Variants in CCDC88C observed in about 807,000 individuals in gnomAD.
CCDC88C encodes the protein coiled-coil and HOOK domain protein 88C.
Under a neutral mutation model 198.8 loss-of-function variants are expected in CCDC88C, and 131 were observed. The ratio of observed to expected loss-of-function variants is 0.66; its 90% CI spans 0.57 to 0.76. CCDC88C has a LOEUF of 0.76. CCDC88C is among the 30% of genes least tolerant of loss of function. CCDC88C has a pLI of 0.00. For missense variants in CCDC88C, 2,553 were observed against 2,631.6 expected (o/e 0.97, Z 0.65); for synonymous variants, 1,166 against 1,114.7 (o/e 1.05, Z -0.92).
intron 24 of CCDC88C, among the ~76,000 whole-genome samples, chr14:91,290,763 T>C (rs1021159816): frequency 2.0e-5 from 3 of 152,190 alleles, no homozygotes; most frequent in Non-Finnish European, 4.4e-5. Flanking sequence ...AAAAGGCTCA[T>C]AGCTAAATGA....
chr14:91,367,136 G>A (rs1448899456), intron 3 of CCDC88C, among the ~76,000 whole-genome samples: 3 of 152,202 alleles, frequency 2.0e-5, no homozygotes, highest in African/African-American at 7.2e-5. Context: ...ATTTTACCAG[G>A]AAGGAAGAAT....
At chr14:91,399,293 C>A (rs1886033398) in intron 3 of CCDC88C, among the ~76,000 whole-genome samples, 1 of 152,166 alleles carries the variant, frequency 6.6e-6, no homozygotes, top group Non-Finnish European at 1.5e-5. Flanking sequence ...CTTCTCCTCA[C>A]CCAGAGCCCC....
chr14:91,342,994 AC>A (rs2050518076), intron 5 of CCDC88C, among the ~76,000 whole-genome samples: 1 of 152,148 alleles, frequency 6.6e-6, no homozygotes, highest in Non-Finnish European at 1.5e-5. Flanking sequence ...TCTCGCTGTC[AC>A]CCAGGCTGGA....
intron 3 of CCDC88C, among the ~76,000 whole-genome samples, chr14:91,386,781 G>T (rs535463420): frequency 6.6e-6 from 1 of 152,128 alleles, no homozygotes; most frequent in African/African-American, 2.4e-5. Flanking sequence ...CACGCCCAGC[G>T]CCAAAACAGC....
At chr14:91,406,157 C>G (rs900680925) in intron 3 of CCDC88C, among the ~76,000 whole-genome samples, 22 of 152,190 alleles carry the variant, frequency 1.4e-4, no homozygotes, top group African/African-American at 5.3e-4. Flanking sequence ...TTCTCAAACC[C>G]ACACAGTCTC....
intron 24 of CCDC88C, 40 bp from the exon 25 acceptor site, chr14:91,289,383 C>T: frequency 1.3e-6 from 2 of 1,565,172 alleles, no homozygotes; most frequent in Non-Finnish European, 1.8e-6. Context: ...CCAGCCCTCC[C>T]ACACACCCCC....
At chr14:91,319,545 A>G (rs941914) in intron 13 of CCDC88C, among the ~76,000 whole-genome samples, 105,184 of 152,218 alleles carry the variant, frequency 0.69, 36,865 homozygotes, top group Non-Finnish European at 0.74. Flanking sequence ...GCAGCCCCAA[A>G]GATGTTCATT....
In CCDC88C at chr14:91,324,865, T is replaced by G; in HGVS notation, c.1256A>C (p.Glu419Ala). 6.2e-7 allele frequency: 1 copy of G among 1,613,884 alleles called. No homozygotes were observed. The highest frequency in any genetic ancestry group is 8.5e-7 in the Non-Finnish European group (1 of 1,179,892). The part of the protein sequence containing the change: ...EELLEENMVL[E>A]IAQKQSMNES... Reference sequence around the variant, plus strand: ...GTTCATGCTCTGCTTCTGTGCAATCTCAAGGACCATGTTTTCTTCCAGCAG... The same window carrying G: ...GTTCATGCTCTGCTTCTGTGCAATCGCAAGGACCATGTTTTCTTCCAGCAG... Residue 419 changes from glutamate to alanine, a missense_variant, in exon 12 of 30, where the codon GAG becomes GCG. This residue lies in a region of CCDC88C where 1,260 missense variants were observed against 1,412.0 expected (regional missense o/e 0.89). Transcript: ENST00000389857.
rs556967564 is a variant in CCDC88C, at chr14:91,310,093, T to G, written c.2737-107A>C. 54 of 1,141,418 alleles carry G rather than the reference T, an allele frequency of 4.7e-5. 1 individual carries two copies. In the South Asian group the frequency reaches 8.1e-4, roughly 17 times the overall value. 70.7% of individuals were successfully genotyped at this position (1,141,418 alleles called of 1,614,324 possible). On this transcript the variant is annotated intron_variant, in intron 15 of 29. Coordinates refer to ENST00000389857, the MANE Select transcript of CCDC88C (RefSeq NM_001080414.4). ...AGCAACTGTCCTCCCGGGCCACGGC[T>G]GCCTCCGTGTGGAGCGAGGGGACTC...
At chr14:91,316,102 C>T (rs935916636) in intron 13 of CCDC88C, among the ~76,000 whole-genome samples, 13 of 152,226 alleles carry the variant, frequency 8.5e-5, no homozygotes, top group Non-Finnish European at 4.4e-5. Flanking sequence ...TCCTGTCCTC[C>T]TGGAGACTTC....
intron 3 of CCDC88C, among the ~76,000 whole-genome samples, chr14:91,372,767 C>T (rs896064226): frequency 1.3e-5 from 2 of 152,134 alleles, no homozygotes. Flanking sequence ...CCGGCTCCAC[C>T]ACCACGTTGC....
Position 91,296,828 on chromosome 14 carries a change from T to C in CCDC88C, c.3966+477A>G, listed in dbSNP as rs878895254. 2.6e-5 allele frequency among the ~76,000 whole-genome samples: 4 copies of C among 152,154 alleles called. No homozygotes were observed. The South Asian group carries it at 8.3e-4, about 31-fold the overall frequency. On this transcript the variant is annotated intron_variant, in intron 22 of 29. Coordinates refer to ENST00000389857, the MANE Select transcript of CCDC88C (RefSeq NM_001080414.4). Reference sequence around the variant, plus strand: ...TGCTGAGGTCTGTTAAGATCTCATCTGGAGAGGGTCTTGCTGCGTGAGGCC... The same window carrying C: ...TGCTGAGGTCTGTTAAGATCTCATCCGGAGAGGGTCTTGCTGCGTGAGGCC...
chr14:91,416,826 C>G lies in CCDC88C; in HGVS notation c.73G>C (p.Gly25Arg). Residue 25 changes from glycine to arginine, a missense_variant, in exon 2 of 30, where the codon GGC becomes CGC. Around this residue, in one of 2 missense-constraint regions of CCDC88C, gnomAD observed 1,260 missense variants for 1,412.0 expected, o/e 0.89. Transcript: ENST00000389857. Reference protein sequence around the residue: ...SPLVTWVKTFGPFGSGSQDNL... With the variant: ...SPLVTWVKTFRPFGSGSQDNL... The stretch of plus-strand genomic sequence containing the variant: ...TCCTGGCTGCCGCTTCCAAACGGGC[C>G]AAAAGTTTTCACCTGCGGGGAGGGG... 1 of 1,612,558 alleles carries G rather than the reference C, an allele frequency of 6.2e-7. No homozygotes were observed. The highest frequency in any genetic ancestry group is 1.1e-5 in the South Asian group (1 of 90,798).
Position 91,281,471 on chromosome 14 carries a change from T to A in CCDC88C, c.4685A>T (p.Asn1562Ile), listed in dbSNP as rs373539289. 4 of 1,613,942 alleles carry A rather than the reference T, an allele frequency of 2.5e-6. No individual in the cohort carries two copies. The highest frequency in any genetic ancestry group is 3.4e-6 in the Non-Finnish European group (4 of 1,179,856). ...CEPSLEFEVP[N>I]HRQYVSRPSS... ...TCCCTACTCACCGTACTGCCTGTGGTTGGGGACCTCAAACTCCAGGGATGG... is the reference window on the plus strand; with the variant it reads ...TCCCTACTCACCGTACTGCCTGTGGATGGGGACCTCAAACTCCAGGGATGG... The change falls in exon 27 of 30, where the codon AAC (asparagine) becomes ATC (isoleucine). Residue 1562 changes from asparagine to isoleucine, a missense_variant. By Grantham distance (149) the Asn-to-Ile change is moderately radical (BLOSUM62 -3). Coordinates refer to ENST00000389857, the MANE Select transcript of CCDC88C (RefSeq NM_001080414.4).
At chr14:91,319,735 T>C (rs1892265736) in intron 13 of CCDC88C, among the ~76,000 whole-genome samples, 1 of 152,110 alleles carries the variant, frequency 6.6e-6, no homozygotes, top group South Asian at 2.1e-4. Context: ...ATAAGAAATG[T>C]GTGTCTGGGG....
intron 2 of CCDC88C, among the ~76,000 whole-genome samples, chr14:91,411,228 G>GT (rs1886771905): frequency 6.6e-6 from 1 of 152,054 alleles, no homozygotes; most frequent in African/African-American, 2.4e-5. Flanking sequence ...CAGCACCCCC[G>GT]TAACTCCCAC....
intron 15 of CCDC88C, among the ~76,000 whole-genome samples, chr14:91,310,190 A>C (rs1018957414): frequency 6.6e-6 from 1 of 151,748 alleles, no homozygotes; most frequent in Admixed American, 6.6e-5. Flanking sequence ...TGCTGAAAAC[A>C]ACCAGACCAG....
Position 91,303,886 on chromosome 14 carries a change from G to C in CCDC88C, c.3450C>G (p.Asn1150Lys), listed in dbSNP as rs935425414. 4 of 1,612,922 alleles carry C rather than the reference G, an allele frequency of 2.5e-6. No individual in the cohort carries two copies. Among genetic ancestry groups the C allele is most frequent in the Non-Finnish European group, 3.4e-6 (4 of 1,179,890 alleles). The change falls in exon 20 of 30, where the codon AAC becomes AAG. Residue 1150 changes from asparagine (N) to lysine (K), a missense_variant. Around this residue, in one of 2 missense-constraint regions of CCDC88C, gnomAD observed 1,293 missense variants for 1,219.6 expected, o/e 1.06. Coordinates refer to ENST00000389857, the MANE Select transcript of CCDC88C (RefSeq NM_001080414.4). ...QNHHTAKETE[N>K]ESLQRQQEQL... ...GCTCCTGCTGCCTCTGCAGGCTTTC[G>C]TTCTCCGTCTCCTTGGCCGTGTGGT...
chr14:91,318,821 G>C (rs1892220739), intron 13 of CCDC88C, among the ~76,000 whole-genome samples: 1 of 148,564 alleles, frequency 6.7e-6, no homozygotes, highest in African/African-American at 2.5e-5. Flanking sequence ...GGGAGGCCGA[G>C]ACAGGAGCAT....
Sources: gnomAD v4.1 joint callset for allele counts (sites outside exome capture counted in the v4.1 genomes callset) on GRCh38, gnomAD v4.1.1 for gene constraint, gnomAD v4.1.1 regional missense constraint, MANE v1.5 for transcripts, NCBI Gene and HGNC (gene_info 2026-07-23, HGNC 2026-07-21) for gene names.